KIAA1217: variants seen among roughly 807,000 people sequenced by gnomAD.
The protein encoded by KIAA1217 is KIAA1217.
In KIAA1217, 88 loss-of-function variants were observed where a neutral mutation model predicts 163.9. The ratio of observed to expected loss-of-function variants is 0.54; its 90% CI spans 0.45 to 0.64. KIAA1217 has a LOEUF of 0.64. KIAA1217 is among the 30% of genes least tolerant of loss of function. The pLI, the probability that KIAA1217 is intolerant of heterozygous loss-of-function variation, is 0.00. For synonymous variants in KIAA1217, 903 were observed against 923.1 expected, an observed-to-expected ratio of 0.98 and a Z score of 0.39; for missense variants, 2,372 against 2,475.0, an observed-to-expected ratio of 0.96 and a Z score of 0.88.
At chr10:24,461,358 T>C (rs1461642955) in intron 5 of KIAA1217, among the ~76,000 whole-genome samples, 1 of 152,126 alleles carries the variant, frequency 6.6e-6, no homozygotes, top group Admixed American at 6.5e-5. Flanking sequence ...TGTTTTGTTT[T>C]GTTTTGGTGG....
At chr10:24,197,851 G>A (rs1251992097) in intron 2 of KIAA1217, among the ~76,000 whole-genome samples, 2 of 152,222 alleles carry the variant, frequency 1.3e-5, no homozygotes, top group Non-Finnish European at 2.9e-5. Context: ...CATGGTGCTT[G>A]CAGGACACAG....
chr10:24,537,027 A>G (rs768048809), intron 17 of KIAA1217, 134 bp downstream of exon 17: 5 of 1,026,902 alleles, frequency 4.9e-6, no homozygotes, highest in Non-Finnish European at 7.0e-6. Context: ...TAATGGAGAC[A>G]CAGGCATAGG....
At chr10:24,142,327 C>T (rs2064121715) in intron 2 of KIAA1217, among the ~76,000 whole-genome samples, 1 of 152,152 alleles carries the variant, frequency 6.6e-6, no homozygotes, top group Non-Finnish European at 1.5e-5. Context: ...CTGATCTAAT[C>T]ATTTGTGGCT....
At chr10:24,479,163 A>G (rs1481517474) in intron 6 of KIAA1217, among the ~76,000 whole-genome samples, 1 of 152,198 alleles carries the variant, frequency 6.6e-6, no homozygotes, top group Non-Finnish European at 1.5e-5. Context: ...TGTGTACAGG[A>G]GGAAGCCCAC....
At chr10:23,767,164 CA>C (rs1834572533) in intron 1 of KIAA1217, among the ~76,000 whole-genome samples, 1 of 152,098 alleles carries the variant, frequency 6.6e-6, no homozygotes, top group Non-Finnish European at 1.5e-5. Context: ...ATGCAATGGC[CA>C]ACAGCTATGA....
At chr10:24,059,678 C>A (rs948157431) in intron 2 of KIAA1217, among the ~76,000 whole-genome samples, 1 of 151,978 alleles carries the variant, frequency 6.6e-6, no homozygotes, top group Admixed American at 6.6e-5. Flanking sequence ...TTCGGGTTCA[C>A]GCCATTGTCT....
At chr10:24,034,099 A>C (rs1418861945) in intron 2 of KIAA1217, among the ~76,000 whole-genome samples, 1 of 152,262 alleles carries the variant, frequency 6.6e-6, no homozygotes, top group Non-Finnish European at 1.5e-5. Context: ...CAATTGTCAA[A>C]GTGCTTTCGT....
chr10:24,185,984 A>C (rs1022455086), intron 2 of KIAA1217, among the ~76,000 whole-genome samples: 6 of 151,998 alleles, frequency 3.9e-5, no homozygotes, highest in African/African-American at 1.4e-4. Flanking sequence ...AAGATTCTGC[A>C]TTTGAAAAAT....
chr10:24,082,565 G>T (rs941387390), intron 2 of KIAA1217, among the ~76,000 whole-genome samples: 1 of 152,162 alleles, frequency 6.6e-6, no homozygotes, highest in African/African-American at 2.4e-5. Flanking sequence ...TCCATGCAGA[G>T]GACATGCTCT....
chr10:24,224,731 G>A (rs1341847954), intron 2 of KIAA1217, among the ~76,000 whole-genome samples: 3 of 152,166 alleles, frequency 2.0e-5, no homozygotes, highest in Non-Finnish European at 4.4e-5. Flanking sequence ...TGTTTCACTG[G>A]CAGCTTTTAG....
intron 1 of KIAA1217, among the ~76,000 whole-genome samples, chr10:23,857,949 A>T (rs1344950806): frequency 6.6e-6 from 1 of 151,386 alleles, no homozygotes; most frequent in Non-Finnish European, 1.5e-5. Flanking sequence ...AAATATTTCA[A>T]TCTGGTTAAA....
At chr10:24,165,858 A>G (rs185646100) in intron 2 of KIAA1217, among the ~76,000 whole-genome samples, 1 of 152,318 alleles carries the variant, frequency 6.6e-6, no homozygotes, top group Admixed American at 6.5e-5. Flanking sequence ...ACCTTTAGCA[A>G]GAGAGTTCTT....
At chr10:24,013,887 T>C (rs1190337793) in intron 2 of KIAA1217, among the ~76,000 whole-genome samples, 6 of 152,076 alleles carry the variant, frequency 3.9e-5, no homozygotes, top group Admixed American at 2.6e-4. Flanking sequence ...GGGAAAGATG[T>C]GTGTGCTCAC....
chr10:24,340,547 C>A (rs2046961013), intron 2 of KIAA1217, among the ~76,000 whole-genome samples: 1 of 152,088 alleles, frequency 6.6e-6, no homozygotes, highest in African/African-American at 2.4e-5. Context: ...AGCGTGAAAA[C>A]AAACTAATAC....
intron 1 of KIAA1217, among the ~76,000 whole-genome samples, chr10:23,875,140 AC>A (rs1415145545): frequency 6.6e-6 from 1 of 152,008 alleles, no homozygotes; most frequent in East Asian, 1.9e-4. Flanking sequence ...AGCTTCCATG[AC>A]CCAAATACCT....
Position 24,432,976 on chromosome 10 carries a change from C to T in KIAA1217, c.554-19C>T. 1 of 1,609,530 alleles carries T rather than the reference C, an allele frequency of 6.2e-7. No homozygotes were observed. Among genetic ancestry groups the T allele is most frequent in the Non-Finnish European group, 8.5e-7 (1 of 1,176,046 alleles). ...CTGAGTCTTGACCTGTGACTAATAA[C>T]TGTTTCCTTTGTGTGCAGGGGTTCT... On this transcript the variant is annotated intron_variant, in intron 3 of 20. Coordinates refer to ENST00000376454, the MANE Select transcript of KIAA1217 (RefSeq NM_019590.5).
At chr10:23,971,201 A>G (rs1055869718) in intron 1 of KIAA1217, among the ~76,000 whole-genome samples, 4 of 152,018 alleles carry the variant, frequency 2.6e-5, no homozygotes, top group Non-Finnish European at 5.9e-5. Flanking sequence ...GGTTGTACAC[A>G]TGCTCTTTTG....
intron 1 of KIAA1217, among the ~76,000 whole-genome samples, chr10:23,862,379 G>T (rs1839995314): frequency 6.6e-6 from 1 of 152,156 alleles, no homozygotes; most frequent in South Asian, 2.1e-4. Flanking sequence ...ATTAGGCAGA[G>T]AGAGAGGGAT....
At chr10:24,282,821 T>C (rs1020092428) in intron 2 of KIAA1217, among the ~76,000 whole-genome samples, 3 of 141,232 alleles carry the variant, frequency 2.1e-5, no homozygotes, top group African/African-American at 8.0e-5. Context: ...GAGGTGTTGC[T>C]TCTTTTTTTT....
Sources: allele counts gnomAD v4.1 joint callset (sites outside exome capture counted in the v4.1 genomes callset), GRCh38; gene constraint gnomAD v4.1.1; transcripts MANE v1.5; gene names NCBI Gene and HGNC (gene_info 2026-07-23, HGNC 2026-07-21).